The following RBM23 variants were observed in gnomAD, a reference collection of about 807,000 sequenced individuals.
RBM23 encodes the protein probable RNA-binding protein 23.
A neutral mutation model predicts 56.2 loss-of-function variants in RBM23; 53 were observed. The observed-to-expected ratio is 0.94, with a 90% CI of 0.76 to 1.19. The LOEUF (loss-of-function observed/expected upper bound fraction) is 1.19, where lower values mean the gene tolerates loss of function less well. Ranked by LOEUF, RBM23 falls within the 50% of genes most tolerant of loss-of-function variation. The pLI is 0.00. For synonymous variants in RBM23, 197 were observed against 198.5 expected (o/e 0.99, Z 0.06); for missense variants, 642 against 590.3 (o/e 1.09, Z -0.91).
rs575033991 is a variant in RBM23, at chr14:22,912,886, G to C, written c.-10-1483C>G. On this transcript the variant is annotated intron_variant, in intron 1 of 13. Transcript: ENST00000359890. ...GTGGTGGCACGCGCCTGTAGGCCCAGCTACTCGGGAGGCTGAGGCAGGAGT... is the reference window on the plus strand; with the variant it reads ...GTGGTGGCACGCGCCTGTAGGCCCACCTACTCGGGAGGCTGAGGCAGGAGT... Among the ~76,000 whole-genome samples, 12 of 149,742 alleles carry C rather than the reference G, an allele frequency of 8.0e-5. 1 individual carries two copies. Among genetic ancestry groups the C allele is most frequent in the Admixed American group, 7.4e-4 (11 of 14,854 alleles).
rs1396029049 is a variant in RBM23, at chr14:22,905,401, AG to A, written c.507del (p.Cys170ValfsTer4). The stretch of plus-strand genomic sequence containing the variant: ...CGAATTCGGGCAGCTAACTGCATAC[AG>A]AAAACTGTGCGGGCATCACGCTCCT... ...SPEERDARTVFCMQLAARIRP... is the reference protein window; with the variant it reads ...SPEERDARTVXCMQLAARIRP... On this transcript the variant is annotated frameshift_variant, in exon 7 of 14. Coordinates refer to ENST00000359890, the MANE Select transcript of RBM23 (RefSeq NM_001077351.2). LOFTEE classifies it high-confidence loss of function. 1.9e-6 allele frequency: 3 copies of A among 1,614,096 alleles called. No individual in the cohort carries two copies. In the Admixed American group the frequency reaches 5.0e-5, roughly 27 times the overall value.
chr14:22,908,582 C>T (rs953640008), intron 3 of RBM23: 9 of 501,188 alleles, frequency 1.8e-5, no homozygotes, highest in Admixed American at 1.1e-4. Flanking sequence ...TTAGTAGAGA[C>T]AAGGTTTCGC....
chr14:22,902,469 C>A (rs2040726798), intron 10 of RBM23, 87 bp from the exon 11 acceptor site: 7 of 1,486,342 alleles, frequency 4.7e-6, no homozygotes, highest in Admixed American at 2.5e-5. Context: ...CCTACTATCC[C>A]AGGAAAATTG....
intron 5 of RBM23, chr14:22,905,930 T>C: frequency 1.7e-6 from 1 of 594,430 alleles, no homozygotes; most frequent in Non-Finnish European, 3.0e-6. Flanking sequence ...TTGCATTTTT[T>C]GTAGAACCAG....
At position 22,902,465 on chromosome 14, in the gene RBM23, A is replaced by G. The variant is rs192377942; in HGVS notation, c.931-83T>C. On this transcript the variant is annotated intron_variant, in intron 10 of 13. Coordinates refer to ENST00000359890, the MANE Select transcript of RBM23 (RefSeq NM_001077351.2). Reference sequence around the variant, plus strand: ...CCCAGTAACACTCCCTAGTCCTACTATCCCAGGAAAATTGTATGCTCACTG... The same window carrying G: ...CCCAGTAACACTCCCTAGTCCTACTGTCCCAGGAAAATTGTATGCTCACTG... 4.6e-3 allele frequency: 6,806 copies of G among 1,492,402 alleles called. 23 individuals carry two copies. Among genetic ancestry groups the G allele is most frequent in the Non-Finnish European group, 5.7e-3 (6,377 of 1,118,068 alleles). The allele number at this position is 1,492,402 out of a possible 1,614,324, so 92.4% of individuals were successfully genotyped here. A position where few individuals can be genotyped will look rare whatever the true frequency, so the allele number is the denominator to read the frequency against.
chr14:22,917,364 A>T (rs550820841), intron 1 of RBM23: 6 of 152,314 alleles, frequency 3.9e-5, no homozygotes, highest in Non-Finnish European at 8.8e-5. Context: ...ACTTACACTT[A>T]AGTTTACAAG....
At chr14:22,904,123 G>C in intron 10 of RBM23, 138 bp downstream of exon 10, 9 of 1,553,306 alleles carry the variant, frequency 5.8e-6, no homozygotes, top group Non-Finnish European at 4.3e-6. Flanking sequence ...GGGGTAGAAG[G>C]CTAGTCCAAG....
In RBM23 at chr14:22,899,000, A is replaced by C. The variant is rs952819732; in HGVS notation, c.*2730T>G. 6.6e-6 allele frequency: 1 copy of C among 152,252 alleles called. No homozygotes were observed. The highest frequency in any genetic ancestry group is 1.5e-5 in the Non-Finnish European group (1 of 68,080). The allele number at this position is 152,252 out of a possible 1,614,324, so 9.4% of individuals were successfully genotyped here. A position where few individuals can be genotyped will look rare whatever the true frequency, so the allele number is the denominator to read the frequency against. Reference sequence around the variant, plus strand: ...CCGGTCCAGAAAGCAAACTAGGATAAGATGGGGGAAGGGATGGGGGTGGTA... The same window carrying C: ...CCGGTCCAGAAAGCAAACTAGGATACGATGGGGGAAGGGATGGGGGTGGTA... On this transcript the variant is annotated 3_prime_UTR_variant, in exon 14 of 14. Coordinates refer to ENST00000359890, the MANE Select transcript of RBM23 (RefSeq NM_001077351.2).
At chr14:22,918,877 A>G (rs1408514558) in intron 1 of RBM23, 122 bp downstream of exon 1, 1 of 152,172 alleles carries the variant, frequency 6.6e-6, no homozygotes, top group Admixed American at 6.5e-5. Context: ...TTTTAATGTT[A>G]AAAGTTCGCC....
intron 2 of RBM23, among the ~76,000 whole-genome samples, 182 bp from the exon 3 acceptor site, chr14:22,909,777 G>C (rs924702756): frequency 1.3e-5 from 2 of 152,146 alleles, no homozygotes; most frequent in African/African-American, 4.8e-5. Context: ...CTACCTAAAA[G>C]GAAGAGATCA....
At chr14:22,912,227 A>G (rs184781668) in intron 1 of RBM23, among the ~76,000 whole-genome samples, 331 of 152,334 alleles carry the variant, frequency 2.2e-3, no homozygotes, top group African/African-American at 7.5e-3. Context: ...TAAAAAGATA[A>G]AGAGGCACGA....
chr14:22,910,997 G>A (rs1291753221), intron 2 of RBM23, among the ~76,000 whole-genome samples: 1 of 152,042 alleles, frequency 6.6e-6, no homozygotes, highest in African/African-American at 2.4e-5. Context: ...GCAACAGAGC[G>A]AGACTCTGTC....
chr14:22,906,257 C>A lies in RBM23; in HGVS notation c.339G>T (p.Ser113=). The A allele has an allele frequency of 6.2e-7, 1 of 1,614,236 alleles. No homozygotes were observed. The highest frequency in any genetic ancestry group is 2.2e-5 in the East Asian group (1 of 44,890). The part of the protein sequence containing the change: ...RSWDRRHGSE[S]RSRDHRREDR... Reference sequence around the variant, plus strand: ...CCTCACGACGATGGTCCCGACTTCGCGACTCACTACCATGTCGACGATCCC... The same window carrying A: ...CCTCACGACGATGGTCCCGACTTCGAGACTCACTACCATGTCGACGATCCC... The change falls in exon 5 of 14, where the codon TCG becomes TCT. Residue 113 remains serine, a synonymous_variant. Coordinates refer to ENST00000359890, the MANE Select transcript of RBM23 (RefSeq NM_001077351.2).
chr14:22,911,314 G>C lies in RBM23; in HGVS notation c.66+14C>G. ...TCATTAACCCAATTCCAGGAGTGAG[G>C]TGGAAAATATTACCTCTTCTTTTTT... On this transcript the variant is annotated intron_variant, in intron 2 of 13. Transcript: ENST00000359890. 6.2e-7 allele frequency: 1 copy of C among 1,611,708 alleles called. No homozygotes were observed. Among genetic ancestry groups the C allele is most frequent in the Non-Finnish European group, 8.5e-7 (1 of 1,178,220 alleles).
Position 22,900,645 on chromosome 14 carries a change from T to A in RBM23, c.*1085A>T, listed in dbSNP as rs1383481406. 1 of 152,210 alleles carries A rather than the reference T, an allele frequency of 6.6e-6. No homozygotes were observed. Among genetic ancestry groups the A allele is most frequent in the African/African-American group, 2.4e-5 (1 of 41,436 alleles). The allele number at this position is 152,210 out of a possible 1,614,324, so 9.4% of individuals were successfully genotyped here. A position where few individuals can be genotyped will look rare whatever the true frequency, so the allele number is the denominator to read the frequency against. ...AAGGTGGTTAAATAAATAAACACAA[T>A]GATGTTACTAATGTTTTATATCCCT... On this transcript the variant is annotated 3_prime_UTR_variant, in exon 14 of 14. Transcript: ENST00000359890.
chr14:22,912,575 T>C (rs1594378792), intron 1 of RBM23, among the ~76,000 whole-genome samples: 1 of 152,202 alleles, frequency 6.6e-6, no homozygotes, highest in Non-Finnish European at 1.5e-5. Flanking sequence ...TCAAATGTTA[T>C]TGGTCTGGAA....
At chr14:22,903,889 C>T in intron 10 of RBM23, 2 of 1,174,630 alleles carry the variant, frequency 1.7e-6, no homozygotes, top group Non-Finnish European at 2.1e-6. Context: ...TTCCTATTCC[C>T]ATCCCTGTTA....
chr14:22,902,495 A>T, intron 10 of RBM23, 113 bp from the exon 11 acceptor site: 1 of 1,437,080 alleles, frequency 7.0e-7, no homozygotes, highest in Non-Finnish European at 9.2e-7. Context: ...TCACTGAGGT[A>T]CAAACTTTTC....
At chr14:22,913,092 G>C (rs116162498) in intron 1 of RBM23, among the ~76,000 whole-genome samples, 1 of 150,324 alleles carries the variant, frequency 6.7e-6, no homozygotes, top group Admixed American at 6.7e-5. Flanking sequence ...TAGAAGTAAG[G>C]GGAAGGGCTG....
Sources: allele counts gnomAD v4.1 joint callset (sites outside exome capture counted in the v4.1 genomes callset), GRCh38; gene constraint gnomAD v4.1.1; transcripts MANE v1.5; gene names NCBI Gene and HGNC (gene_info 2026-07-23, HGNC 2026-07-21).